The following SYNPR variants were observed in gnomAD, a reference collection of about 807,000 sequenced individuals.
SYNPR encodes synaptoporin.
A neutral mutation model predicts 32.9 loss-of-function variants in SYNPR; 23 were observed. The ratio of observed to expected loss-of-function variants is 0.70; its 90% CI spans 0.50 to 0.99. The LOEUF (loss-of-function observed/expected upper bound fraction) is 0.99. Among genes scored for constraint, SYNPR ranks in the 50% least tolerant of loss-of-function variants. SYNPR has a pLI of 0.00. For missense variants in SYNPR, 318 were observed against 349.3 expected, an observed-to-expected ratio of 0.91 and a Z score of 0.71; for synonymous variants, 146 against 135.9, an observed-to-expected ratio of 1.07 and a Z score of -0.52.
In SYNPR at chr3:63,438,572, C is replaced by T. The variant is rs117714596; in HGVS notation, c.85-42260C>T. Among the ~76,000 whole-genome samples, 229 of 152,120 alleles carry T rather than the reference C, an allele frequency of 1.5e-3. 4 individuals are homozygous for T. The East Asian group carries it at 0.034, about 23-fold the overall frequency. Reference sequence around the variant, plus strand: ...AGTGATATTAATATTATTTTTATCTCGTTAGTATTTGAAAAAGAATAGAGA... The same window carrying T: ...AGTGATATTAATATTATTTTTATCTTGTTAGTATTTGAAAAAGAATAGAGA... On this transcript the variant is annotated intron_variant, in intron 2 of 5. Coordinates refer to ENST00000478300, the MANE Select transcript of SYNPR (RefSeq NM_001130003.2).
chr3:63,483,278 C>T (rs1272417605), intron 3 of SYNPR, among the ~76,000 whole-genome samples: 2 of 152,072 alleles, frequency 1.3e-5, no homozygotes, highest in Non-Finnish European at 2.9e-5. Context: ...TACATATGTC[C>T]TAGGCAGAAG....
chr3:63,296,888 T>G (rs753486261), intron 2 of SYNPR, among the ~76,000 whole-genome samples: 12 of 152,166 alleles, frequency 7.9e-5, no homozygotes, highest in Non-Finnish European at 1.3e-4. Context: ...CATAGAAATA[T>G]TCTATATCCT....
chr3:63,243,496 CAGAT>C (rs1184460737), intron 1 of SYNPR, among the ~76,000 whole-genome samples: 1 of 151,942 alleles, frequency 6.6e-6, no homozygotes, highest in African/African-American at 2.4e-5. Flanking sequence ...ATTCCTATTT[CAGAT>C]AGATATAGAA....
intron 4 of SYNPR, among the ~76,000 whole-genome samples, chr3:63,605,472 T>C (rs1700104322): frequency 6.6e-6 from 1 of 152,220 alleles, no homozygotes; most frequent in Non-Finnish European, 1.5e-5. Context: ...CTTCAGTCTA[T>C]CAGAAACATT....
intron 3 of SYNPR, among the ~76,000 whole-genome samples, chr3:63,518,731 A>G (rs1278652054): frequency 6.6e-6 from 1 of 152,138 alleles, no homozygotes; most frequent in East Asian, 1.9e-4. Context: ...GCCCACCTTC[A>G]CAACACCCTT....
chr3:63,219,114 C>A, the SYNPR span, among the ~76,000 whole-genome samples: 1 of 152,118 alleles, frequency 6.6e-6, no homozygotes, highest in African/African-American at 2.4e-5. Context: ...AAAGAAGTGG[C>A]AGAGACTAAT....
Position 63,575,009 on chromosome 3 carries a change from A to G in SYNPR, c.408+18268A>G, listed in dbSNP as rs74509330. Among the ~76,000 whole-genome samples the G allele has an allele frequency of 1.6e-4, 24 of 152,120 alleles. No homozygotes were observed. The East Asian group carries it at 4.7e-3, about 30-fold the overall frequency. On this transcript the variant is annotated intron_variant, in intron 4 of 5. Coordinates refer to ENST00000478300, the MANE Select transcript of SYNPR (RefSeq NM_001130003.2). ...AATCCCTGTAACAGGCCTCTCCCAC[A>G]TACACATGACTGTGTATGTGCCACA...
rs568779312 is a variant in SYNPR, at chr3:63,305,574, A to C, written c.84+26832A>C. Among the ~76,000 whole-genome samples, 11 of 152,152 alleles carry C rather than the reference A, an allele frequency of 7.2e-5. No individual in the cohort carries two copies. In the South Asian group the frequency reaches 1.7e-3, roughly 23 times the overall value. On this transcript the variant is annotated intron_variant, in intron 2 of 5. Transcript: ENST00000478300. ...CCAGTTTTCAAACTACATTGTGATA[A>C]ATAACAACCTGGAGAAATTGTTTAA... is the stretch of plus-strand genomic sequence containing the variant.
At chr3:63,605,227 A>C (rs935133254) in intron 4 of SYNPR, among the ~76,000 whole-genome samples, 2 of 152,232 alleles carry the variant, frequency 1.3e-5, no homozygotes, top group African/African-American at 4.8e-5. Flanking sequence ...AGGAAAGACT[A>C]TCTGGGGAGG....
chr3:63,294,520 T>C (rs566155949), intron 2 of SYNPR, among the ~76,000 whole-genome samples: 65 of 152,346 alleles, frequency 4.3e-4, no homozygotes, highest in Non-Finnish European at 7.5e-4. Context: ...CATGATGCTG[T>C]TCACGTGGAC....
At chr3:63,436,001 CTG>C (rs1700077589) in intron 2 of SYNPR, among the ~76,000 whole-genome samples, 2 of 152,184 alleles carry the variant, frequency 1.3e-5, no homozygotes, top group Admixed American at 1.3e-4. Flanking sequence ...TGTTTCACCA[CTG>C]TATCCACAGA....
At chr3:63,364,341 C>T (rs190078462) in intron 2 of SYNPR, among the ~76,000 whole-genome samples, 6 of 152,136 alleles carry the variant, frequency 3.9e-5, no homozygotes, top group Admixed American at 2.6e-4. Flanking sequence ...GATACAACAA[C>T]ATATAGGTTC....
intron 1 of SYNPR, among the ~76,000 whole-genome samples, chr3:63,234,155 G>A (rs535831205): frequency 6.6e-6 from 1 of 152,256 alleles, no homozygotes; most frequent in Non-Finnish European, 1.5e-5. Flanking sequence ...TGGAAGGCAA[G>A]GAGGAGCAAG....
intron 1 of SYNPR, among the ~76,000 whole-genome samples, chr3:63,238,302 A>G (rs2086214039): frequency 6.6e-6 from 1 of 151,920 alleles, no homozygotes; most frequent in Non-Finnish European, 1.5e-5. Flanking sequence ...AAATGAACCT[A>G]TTTCATTTTA....
intron 2 of SYNPR, among the ~76,000 whole-genome samples, chr3:63,332,923 T>A (rs1347627515): frequency 6.6e-6 from 1 of 152,048 alleles, no homozygotes; most frequent in Admixed American, 6.6e-5. Flanking sequence ...GGCAGTGGCA[T>A]CCCAGGCCTC....
chr3:63,328,510 GC>G (rs1401844846), intron 2 of SYNPR, among the ~76,000 whole-genome samples: 1 of 152,128 alleles, frequency 6.6e-6, no homozygotes, highest in Non-Finnish European at 1.5e-5. Context: ...TGTCTCCCTG[GC>G]TTTGACTCAC....
chr3:63,612,893 C>T (rs1324457057), intron 5 of SYNPR, among the ~76,000 whole-genome samples: 1 of 147,898 alleles, frequency 6.8e-6, no homozygotes, highest in Non-Finnish European at 1.5e-5. Flanking sequence ...CCCTCCCCTC[C>T]ACTCCCCTCC....
intron 2 of SYNPR, among the ~76,000 whole-genome samples, chr3:63,457,096 C>T (rs112772204): frequency 0.017 from 2,560 of 151,840 alleles, 72 homozygotes; most frequent in African/African-American, 0.059. Context: ...TATCACCTTC[C>T]AAGCTAAGAA....
At chr3:63,503,881 ATAATATT>A (rs1439889735) in intron 3 of SYNPR, among the ~76,000 whole-genome samples, 1 of 152,056 alleles carries the variant, frequency 6.6e-6, no homozygotes, top group African/African-American at 2.4e-5. Flanking sequence ...TTAGATATCA[ATAATATT>A]TTAATTAATT....
Sources: gnomAD v4.1 joint callset for allele counts (sites outside exome capture counted in the v4.1 genomes callset) on GRCh38, gnomAD v4.1.1 for gene constraint, MANE v1.5 for transcripts, NCBI Gene and HGNC (gene_info 2026-07-23, HGNC 2026-07-21) for gene names.